The following PIEZO2 variants were observed in gnomAD, a reference collection of about 807,000 sequenced individuals.
PIEZO2 encodes the protein piezo-type mechanosensitive ion channel component 2.
A neutral mutation model predicts 337.3 loss-of-function variants in PIEZO2; 172 were observed. That is an observed-to-expected ratio of 0.51 (90% CI 0.45 to 0.58). PIEZO2 has a LOEUF of 0.58. PIEZO2 is among the 20% of genes least tolerant of loss of function. PIEZO2 has a pLI of 0.00. For synonymous variants in PIEZO2, 1,251 were observed against 1,228.5 expected (o/e 1.02, Z -0.38); for missense variants, 3,028 against 3,391.3 (o/e 0.89, Z 2.66).
intron 18 of PIEZO2, among the ~76,000 whole-genome samples, chr18:10,774,432 C>G (rs2038716079): frequency 1.4e-5 from 2 of 146,334 alleles, no homozygotes; most frequent in Non-Finnish European, 3.0e-5. Flanking sequence ...GTAGACGAAT[C>G]CCACTCTGCC....
rs1222837855 is a variant in PIEZO2 at position 10,702,005 on chromosome 18, T to G, written c.6425A>C (p.His2142Pro). ...ATGCAGTACCTTCAAAATTGATCGA[T>G]GAAAGAACAGAGCCAGGAGCTGGAT... is the stretch of plus-strand genomic sequence containing the variant. Reference protein sequence around the residue: ...DLIQLLALFFHRSILKCHGLW... With the variant: ...DLIQLLALFFPRSILKCHGLW... Residue 2142 changes from histidine to proline, a missense_variant, in exon 43 of 56, where the codon CAT (histidine) becomes CCT (proline). Coordinates refer to ENST00000674853, the MANE Select transcript of PIEZO2 (RefSeq NM_001378183.1). 1 of 1,527,308 alleles carries G rather than the reference T, an allele frequency of 6.5e-7. No homozygotes were observed. The highest frequency in any genetic ancestry group is 2.5e-5 in the East Asian group (1 of 40,778). The allele number at this position is 1,527,308 out of a possible 1,614,324, so 94.6% of individuals were successfully genotyped here.
intron 27 of PIEZO2, among the ~76,000 whole-genome samples, chr18:10,754,418 G>T (rs2037759640): frequency 6.6e-6 from 1 of 152,208 alleles, no homozygotes. Flanking sequence ...CCTACTTACT[G>T]CTGTGGCATT....
At chr18:10,882,834 C>CTTT (rs745618117) in intron 4 of PIEZO2, among the ~76,000 whole-genome samples, 5,092 of 108,994 alleles carry the variant, frequency 0.047, 522 homozygotes, top group African/African-American at 0.087. Context: ...ACCACATTTT[C>CTTT]TTTTTTTCTT....
chr18:10,740,086 T>C (rs11660315), intron 33 of PIEZO2: 2 of 120,706 alleles, frequency 1.7e-5, no homozygotes, highest in Admixed American at 1.5e-4. Context: ...GGAGACATCA[T>C]GTAAAGACTG....
intron 2 of PIEZO2, among the ~76,000 whole-genome samples, chr18:11,013,271 C>G (rs1374889638): frequency 6.6e-6 from 1 of 152,044 alleles, no homozygotes; most frequent in Non-Finnish European, 1.5e-5. Flanking sequence ...GAGAGGTGGC[C>G]TTGTGGAGAA....
rs62095566 is a variant in PIEZO2, at chr18:10,701,812, T to G, written c.6441+177A>C. ...TGGAAAAAATGTCAGCTAAATGAACTTAACCTTTTTCTTTTCTCTCTCTTT... is the reference window on the plus strand; with the variant it reads ...TGGAAAAAATGTCAGCTAAATGAACGTAACCTTTTTCTTTTCTCTCTCTTT... On this transcript the variant is annotated intron_variant, in intron 43 of 55. Transcript: ENST00000674853. The G allele has an allele frequency of 0.22, 107,075 of 477,416 alleles. 12,896 individuals are homozygous for G. Among genetic ancestry groups the G allele is most frequent in the South Asian group, 0.26 (3,872 of 14,904 alleles). 29.6% of individuals were successfully genotyped at this position (477,416 alleles called of 1,614,324 possible). A position where few individuals can be genotyped will look rare whatever the true frequency, so the allele number is the denominator to read the frequency against.
intron 2 of PIEZO2, among the ~76,000 whole-genome samples, chr18:11,013,383 T>A (rs1329542139): frequency 6.6e-6 from 1 of 152,198 alleles, no homozygotes; most frequent in African/African-American, 2.4e-5. Context: ...AGTCCAGCCC[T>A]TGACTTTAGC....
intron 5 of PIEZO2, among the ~76,000 whole-genome samples, chr18:10,864,178 G>A (rs554208009): frequency 6.6e-6 from 1 of 152,298 alleles, no homozygotes; most frequent in East Asian, 1.9e-4. Context: ...AAAATATTGA[G>A]CAGAGAAGGT....
rs2039110562 is a variant in PIEZO2, at chr18:10,783,661, G to A, written c.2492+1123C>T. Among the ~76,000 whole-genome samples the A allele has an allele frequency of 6.6e-6, 1 of 152,154 alleles. No individual in the cohort carries two copies. The highest frequency in any genetic ancestry group is 1.5e-5 in the Non-Finnish European group (1 of 68,032). Reference sequence around the variant, plus strand: ...GTTTTAGCAGAGCCTGATTTTCCTGGTGGCTAGATAGCAAAACAAGTCATG... The same window carrying A: ...GTTTTAGCAGAGCCTGATTTTCCTGATGGCTAGATAGCAAAACAAGTCATG... On this transcript the variant is annotated intron_variant, in intron 17 of 55. Transcript: ENST00000674853. This position sits in a 1 kb window ranked among gnomAD's most constrained non-coding sequence, Gnocchi z 4.3.
chr18:11,039,168 T>C lies in PIEZO2; in HGVS notation c.160+26959A>G, dbSNP rs111664224. Among the ~76,000 whole-genome samples, 1,492 of 152,258 alleles carry C rather than the reference T, an allele frequency of 9.8e-3. 35 individuals carry two copies. Among genetic ancestry groups the C allele is most frequent in the African/African-American group, 0.034 (1,410 of 41,542 alleles). ...CTTAAAGTAATACATAGAAATTCATTAGCATGGTCTGCATGCATAAAATCC... is the reference window on the plus strand; with the variant it reads ...CTTAAAGTAATACATAGAAATTCATCAGCATGGTCTGCATGCATAAAATCC... On this transcript the variant is annotated intron_variant, in intron 2 of 55. Transcript: ENST00000674853.
In PIEZO2 at chr18:10,677,145, C is replaced by G. The variant is rs1027933806; in HGVS notation, c.8081+602G>C. Among the ~76,000 whole-genome samples, 8 of 152,210 alleles carry G rather than the reference C, an allele frequency of 5.3e-5. No homozygotes were observed. Among genetic ancestry groups the G allele is most frequent in the Non-Finnish European group, 8.8e-5 (6 of 68,034 alleles). ...TGTCTCAATGGAAGCCCCAGCGGGCCAGCACTTTCCATGCACTGATGAGCT... is the reference window on the plus strand; with the variant it reads ...TGTCTCAATGGAAGCCCCAGCGGGCGAGCACTTTCCATGCACTGATGAGCT... On this transcript the variant is annotated intron_variant, in intron 53 of 55. Transcript: ENST00000674853. The surrounding 1 kb of genome is among the most constrained non-coding windows in gnomAD (Gnocchi z 4.1).
At chr18:10,796,983 A>G (rs1364672891) in intron 12 of PIEZO2, among the ~76,000 whole-genome samples, 1 of 151,872 alleles carries the variant, frequency 6.6e-6, no homozygotes, top group Admixed American at 6.6e-5. Context: ...TTATATATGT[A>G]CCATCATATT....
intron 1 of PIEZO2, among the ~76,000 whole-genome samples, chr18:11,119,623 T>A (rs1293435091): frequency 6.6e-6 from 1 of 152,184 alleles, no homozygotes; most frequent in Non-Finnish European, 1.5e-5. Flanking sequence ...AGCAGGGGTT[T>A]AGAGTAGGGA....
chr18:11,033,447 G>A lies in PIEZO2; in HGVS notation c.160+32680C>T, dbSNP rs1254228352. On this transcript the variant is annotated intron_variant, in intron 2 of 55. Coordinates refer to ENST00000674853, the MANE Select transcript of PIEZO2 (RefSeq NM_001378183.1). The surrounding 1 kb of genome is among the most constrained non-coding windows in gnomAD (Gnocchi z 4.2). ...TCTGTCATGGATTTGTATTTAGACT[G>A]TGATTAATGTCAAAGTTAGCATAAT... 2.6e-5 allele frequency among the ~76,000 whole-genome samples: 4 copies of A among 152,216 alleles called. No individual in the cohort carries two copies. Among genetic ancestry groups the A allele is most frequent in the African/African-American group, 9.7e-5 (4 of 41,440 alleles).
chr18:11,051,242 A>G (rs1232948823), intron 2 of PIEZO2, among the ~76,000 whole-genome samples: 3 of 152,110 alleles, frequency 2.0e-5, no homozygotes, highest in Admixed American at 1.3e-4. Context: ...CTCAGACTGC[A>G]TTCAGAACAA....
Position 11,143,447 on chromosome 18 carries a change from A to C in PIEZO2, c.64+5078T>G, listed in dbSNP as rs1392842758. Among the ~76,000 whole-genome samples, 4 of 152,232 alleles carry C rather than the reference A, an allele frequency of 2.6e-5. No homozygotes were observed. The highest frequency in any genetic ancestry group is 9.6e-5 in the African/African-American group (4 of 41,472). ...AAGACTACAAAAATGGTGCTGAAAA[A>C]CAAAAGCAAACGTTAACAGTATTGA... On this transcript the variant is annotated intron_variant, in intron 1 of 55. Coordinates refer to ENST00000674853, the MANE Select transcript of PIEZO2 (RefSeq NM_001378183.1). The surrounding 1 kb of genome is among the most constrained non-coding windows in gnomAD (Gnocchi z 4.9).
chr18:10,773,328 A>T lies in PIEZO2; in HGVS notation c.2785+84T>A. 3.7e-6 allele frequency: 5 copies of T among 1,354,536 alleles called. No individual in the cohort carries two copies. Among genetic ancestry groups the T allele is most frequent in the Non-Finnish European group, 5.1e-6 (5 of 985,430 alleles). The allele number at this position is 1,354,536 out of a possible 1,614,324, so 83.9% of individuals were successfully genotyped here. On this transcript the variant is annotated intron_variant, in intron 20 of 55. Coordinates refer to ENST00000674853, the MANE Select transcript of PIEZO2 (RefSeq NM_001378183.1). This position sits in a 1 kb window ranked among gnomAD's most constrained non-coding sequence, Gnocchi z 5.3. ...ATGTCATGGACTGGGTCAAATATAT[A>T]TTCTTTTGGAGCAAGTCAATGTTTC...
At chr18:10,938,147 T>C (rs757478150) in intron 3 of PIEZO2, among the ~76,000 whole-genome samples, 5 of 152,186 alleles carry the variant, frequency 3.3e-5, no homozygotes, top group Admixed American at 1.3e-4. Flanking sequence ...GGCATAACAA[T>C]TGGGATCAGA....
In PIEZO2 at chr18:10,854,169, T is replaced by C. The variant is rs1399338810; in HGVS notation, c.917+1184A>G. Reference sequence around the variant, plus strand: ...GCTATTTAAACTGTTTCCTAGCCTTTATATTTTCTGTAAATGGGAGGTTAG... The same window carrying C: ...GCTATTTAAACTGTTTCCTAGCCTTCATATTTTCTGTAAATGGGAGGTTAG... On this transcript the variant is annotated intron_variant, in intron 7 of 55. Coordinates refer to ENST00000674853, the MANE Select transcript of PIEZO2 (RefSeq NM_001378183.1). The surrounding 1 kb of genome is among the most constrained non-coding windows in gnomAD (Gnocchi z 4.6). Among the ~76,000 whole-genome samples the C allele has an allele frequency of 6.6e-6, 1 of 152,208 alleles. No individual in the cohort carries two copies. The highest frequency in any genetic ancestry group is 1.5e-5 in the Non-Finnish European group (1 of 68,048).
Sources: gnomAD v4.1 joint callset for allele counts (sites outside exome capture counted in the v4.1 genomes callset) on GRCh38, gnomAD v4.1.1 for gene constraint, Gnocchi (gnomAD v3.1) non-coding constraint, MANE v1.5 for transcripts, NCBI Gene and HGNC (gene_info 2026-07-23, HGNC 2026-07-21) for gene names.